Variants in NLGN1 observed in about 807,000 individuals in gnomAD.
NLGN1 encodes the protein neuroligin-1.
A neutral mutation model predicts 65.5 loss-of-function variants in NLGN1; 12 were observed. The ratio of observed to expected loss-of-function variants is 0.18; its 90% CI spans 0.12 to 0.30. The LOEUF (loss-of-function observed/expected upper bound fraction) is 0.30, where lower values mean the gene tolerates loss of function less well. Ranked by LOEUF, NLGN1 falls within the 10% of genes least tolerant of loss-of-function variation. The pLI, the probability that NLGN1 is intolerant of heterozygous loss-of-function variation, is 1.00. For missense variants in NLGN1, 750 were observed against 1,007.1 expected (o/e 0.74, Z 3.46); for synonymous variants, 350 against 359.5 (o/e 0.97, Z 0.30).
intron 4 of NLGN1, among the ~76,000 whole-genome samples, chr3:173,911,551 G>A (rs1286626954): frequency 6.6e-6 from 1 of 152,122 alleles, no homozygotes; most frequent in Non-Finnish European, 1.5e-5. Context: ...ATATCAAAAC[G>A]ACACCTTCTG....
At position 173,605,525 on chromosome 3, in the gene NLGN1, AT is replaced by A; in HGVS notation, c.493+439del. 2 of 1,278,480 alleles carry A rather than the reference AT, an allele frequency of 1.6e-6. No homozygotes were observed. The highest frequency in any genetic ancestry group is 2.0e-6 in the Non-Finnish European group (2 of 978,610). 79.2% of individuals were successfully genotyped at this position (1,278,480 alleles called of 1,614,324 possible). ...CATGTTATTTTCTAGTCTTCTATTC[AT>A]TTTTCAGTAAAAAGAATATCCAAGG... is the stretch of plus-strand genomic sequence containing the variant. On this transcript the variant is annotated intron_variant, in intron 3 of 6. Transcript: ENST00000457714.
chr3:173,976,924 C>T (rs1257255550), intron 4 of NLGN1, among the ~76,000 whole-genome samples: 1 of 152,030 alleles, frequency 6.6e-6, no homozygotes, highest in Non-Finnish European at 1.5e-5. Flanking sequence ...ACCTTTTAAG[C>T]ACTACAGAAA....
intron 4 of NLGN1, among the ~76,000 whole-genome samples, chr3:174,002,082 G>A (rs1303642149): frequency 2.0e-5 from 3 of 151,594 alleles, no homozygotes; most frequent in Non-Finnish European, 2.9e-5. Flanking sequence ...CAAGATTAGG[G>A]CCCTACTCAA....
chr3:173,558,602 T>G (rs1316568443), intron 2 of NLGN1, among the ~76,000 whole-genome samples: 1 of 152,194 alleles, frequency 6.6e-6, no homozygotes. Flanking sequence ...GTTCATCTAG[T>G]GAATTATTTT....
At chr3:173,549,862 C>T (rs1740553123) in intron 2 of NLGN1, among the ~76,000 whole-genome samples, 1 of 152,078 alleles carries the variant, frequency 6.6e-6, no homozygotes. Context: ...TTATGGAAGT[C>T]AGTCACTAAG....
At chr3:173,418,672 C>T (rs183554738) in intron 1 of NLGN1, among the ~76,000 whole-genome samples, 1 of 152,130 alleles carries the variant, frequency 6.6e-6, no homozygotes, top group Admixed American at 6.5e-5. Context: ...ATCTACTGTC[C>T]ATTTATTCTG....
chr3:173,548,729 G>T (rs1740332620), intron 2 of NLGN1, among the ~76,000 whole-genome samples: 1 of 151,842 alleles, frequency 6.6e-6, no homozygotes, highest in South Asian at 2.1e-4. Context: ...ACACAAACAC[G>T]CTAACACGTG....
In NLGN1 at chr3:174,108,974, C is replaced by T. The variant is rs540267167; in HGVS notation, c.647-166341C>T. Reference sequence around the variant, plus strand: ...ATAGTACATACACACACATATATAACAGGTTTTTTATAAATGTGAATATTA... The same window carrying T: ...ATAGTACATACACACACATATATAATAGGTTTTTTATAAATGTGAATATTA... On this transcript the variant is annotated intron_variant, in intron 4 of 6. Transcript: ENST00000457714. 1.6e-4 allele frequency among the ~76,000 whole-genome samples: 25 copies of T among 152,064 alleles called. No individual in the cohort carries two copies. In the Middle Eastern group the frequency reaches 0.014, roughly 84 times the overall value.
chr3:174,141,296 T>C (rs569464024), intron 4 of NLGN1, among the ~76,000 whole-genome samples: 105 of 152,286 alleles, frequency 6.9e-4, no homozygotes, highest in Non-Finnish European at 1.1e-3. Context: ...TCCTATCCAG[T>C]AATAAAATAA....
chr3:174,045,788 A>T (rs1040283350), intron 4 of NLGN1, among the ~76,000 whole-genome samples: 2 of 152,204 alleles, frequency 1.3e-5, no homozygotes, highest in Non-Finnish European at 2.9e-5. Flanking sequence ...ATTTGAATAA[A>T]TCTGCTTGCA....
At chr3:174,271,880 C>A (rs139866380) in intron 4 of NLGN1, among the ~76,000 whole-genome samples, 195 of 151,526 alleles carry the variant, frequency 1.3e-3, no homozygotes, top group African/African-American at 4.5e-3. Flanking sequence ...TGAGAGTTAG[C>A]CTTAACTCTA....
At chr3:173,529,742 G>T (rs569761603) in intron 2 of NLGN1, among the ~76,000 whole-genome samples, 23 of 152,252 alleles carry the variant, frequency 1.5e-4, no homozygotes, top group African/African-American at 5.5e-4. Flanking sequence ...AGACGGCTTT[G>T]TGGCTAACCT....
At chr3:174,166,366 T>C (rs1168973994) in intron 4 of NLGN1, among the ~76,000 whole-genome samples, 1 of 152,128 alleles carries the variant, frequency 6.6e-6, no homozygotes, top group Non-Finnish European at 1.5e-5. Context: ...GCTTTTTCTG[T>C]ATCAGAGACC....
chr3:173,437,916 T>G (rs757343773), intron 2 of NLGN1, among the ~76,000 whole-genome samples: 12 of 152,168 alleles, frequency 7.9e-5, no homozygotes, highest in Non-Finnish European at 1.5e-4. Context: ...CACCATCCCC[T>G]CTACCATCAA....
At chr3:173,831,913 TTTATAA>T (rs1722660007) in intron 4 of NLGN1, among the ~76,000 whole-genome samples, 1 of 151,900 alleles carries the variant, frequency 6.6e-6, no homozygotes, top group South Asian at 2.1e-4. Context: ...ACAGGCTATC[TTTATAA>T]TTATTATTTT....
chr3:174,226,781 T>C (rs1248759554), intron 4 of NLGN1, among the ~76,000 whole-genome samples: 2 of 152,178 alleles, frequency 1.3e-5, no homozygotes, highest in East Asian at 3.8e-4. Context: ...GCTGAGGTGT[T>C]CCTTTGTGAA....
intron 3 of NLGN1, among the ~76,000 whole-genome samples, chr3:173,714,769 T>C (rs953476083): frequency 2.0e-5 from 3 of 152,022 alleles, no homozygotes; most frequent in African/African-American, 4.8e-5. Context: ...AAGTACTCTA[T>C]AGTATTACAG....
At chr3:173,940,985 G>T (rs1022081371) in intron 4 of NLGN1, among the ~76,000 whole-genome samples, 4 of 152,092 alleles carry the variant, frequency 2.6e-5, no homozygotes, top group Non-Finnish European at 4.4e-5. Flanking sequence ...CATAATTAAA[G>T]AAAGAAAAGT....
chr3:173,603,446 G>A (rs984852290), intron 2 of NLGN1, among the ~76,000 whole-genome samples: 2 of 53,132 alleles, frequency 3.8e-5, no homozygotes, highest in East Asian at 8.6e-4. Context: ...ATCTTCCTTT[G>A]ATCTCTAACA....
Sources: allele counts gnomAD v4.1 joint callset (sites outside exome capture counted in the v4.1 genomes callset), GRCh38; gene constraint gnomAD v4.1.1; transcripts MANE v1.5; gene names NCBI Gene and HGNC (gene_info 2026-07-23, HGNC 2026-07-21).